The following RNF182 variants were observed in gnomAD, a reference collection of about 807,000 sequenced individuals.
RNF182 encodes the protein ring finger protein 182.
Under a neutral mutation model 14.4 loss-of-function variants are expected in RNF182, and 15 were observed. The ratio of observed to expected loss-of-function variants is 1.04; its 90% CI spans 0.70 to 1.60. The LOEUF is 1.60. RNF182 is among the 40% of genes most tolerant of loss of function. RNF182 has a pLI of 0.00. For missense variants in RNF182, 268 were observed against 294.8 expected, an observed-to-expected ratio of 0.91 and a Z score of 0.67; for synonymous variants, 128 against 122.9, an observed-to-expected ratio of 1.04 and a Z score of -0.27.
intron 1 of RNF182, chr6:13,949,427 A>C: frequency 2.8e-6 from 2 of 722,418 alleles, no homozygotes; most frequent in South Asian, 3.0e-5. Flanking sequence ...GAAAGCTGTC[A>C]TCTATAGGTT....
chr6:13,926,654 G>T (rs1300082652), intron 1 of RNF182, among the ~76,000 whole-genome samples: 1 of 152,164 alleles, frequency 6.6e-6, no homozygotes, highest in Non-Finnish European at 1.5e-5. Context: ...AGATAAACGG[G>T]AGAGAAAAGT....
chr6:13,951,962 C>G (rs1349907732), intron 1 of RNF182, among the ~76,000 whole-genome samples: 1 of 152,204 alleles, frequency 6.6e-6, no homozygotes, highest in Non-Finnish European at 1.5e-5. Flanking sequence ...CTCAAACTTG[C>G]CCCTTTTGGC....
At chr6:13,974,538 A>G (rs1188842577) in intron 2 of RNF182, among the ~76,000 whole-genome samples, 174 bp downstream of exon 2, 3 of 152,208 alleles carry the variant, frequency 2.0e-5, no homozygotes, top group Non-Finnish European at 4.4e-5. Flanking sequence ...CTTTGTTTCA[A>G]ATAATAGCTC....
chr6:13,939,794 C>T (rs1390742702), intron 1 of RNF182, among the ~76,000 whole-genome samples: 1 of 152,224 alleles, frequency 6.6e-6, no homozygotes, highest in Non-Finnish European at 1.5e-5. Flanking sequence ...CCACCCGCCT[C>T]AGCCTTCCAA....
chr6:13,977,352 TTAG>T lies in RNF182; in HGVS notation c.237_239del (p.Ser80del), dbSNP rs1429363945. 9 of 1,614,084 alleles carry T rather than the reference TTAG, an allele frequency of 5.6e-6. No individual in the cohort carries two copies. The Admixed American group carries it at 8.3e-5, about 15-fold the overall frequency. On this transcript the variant is annotated inframe_deletion, in exon 3 of 3. Coordinates refer to ENST00000488300, the MANE Select transcript of RNF182 (RefSeq NM_152737.4). Reference sequence around the variant, plus strand: ...GAGACGTGCCTGCCAGATGATGAAGTTAGTAGCCTGCCCGATGACAACAACATC... The same window carrying T: ...GAGACGTGCCTGCCAGATGATGAAGTTAGCCTGCCCGATGACAACAACATC...
At chr6:13,962,321 G>A (rs980845106) in intron 1 of RNF182, among the ~76,000 whole-genome samples, 1 of 152,132 alleles carries the variant, frequency 6.6e-6, no homozygotes, top group African/African-American at 2.4e-5. Flanking sequence ...TGAGCAATTG[G>A]GTGTCAGAGA....
chr6:13,952,506 G>A lies in RNF182; in HGVS notation c.-366-21704G>A, dbSNP rs145977244. 5.3e-3 allele frequency among the ~76,000 whole-genome samples: 804 copies of A among 152,156 alleles called. 1 individual carries two copies. The highest frequency in any genetic ancestry group is 8.7e-3 in the Non-Finnish European group (592 of 68,002). On this transcript the variant is annotated intron_variant, in intron 1 of 2. Coordinates refer to ENST00000488300, the MANE Select transcript of RNF182 (RefSeq NM_152737.4). Reference sequence around the variant, plus strand: ...GAGGGATGCTAACCCTTCTGAGTTGGGTCTTTAACCCAACTTTGTCCTTTA... The same window carrying A: ...GAGGGATGCTAACCCTTCTGAGTTGAGTCTTTAACCCAACTTTGTCCTTTA...
chr6:13,969,163 G>A (rs1055234791), intron 1 of RNF182, among the ~76,000 whole-genome samples: 9 of 151,934 alleles, frequency 5.9e-5, no homozygotes, highest in African/African-American at 1.7e-4. Context: ...TTCCTTTACT[G>A]TCTTAATATT....
At chr6:13,943,190 A>C (rs549163007) in intron 1 of RNF182, among the ~76,000 whole-genome samples, 25 of 152,326 alleles carry the variant, frequency 1.6e-4, no homozygotes, top group African/African-American at 5.8e-4. Flanking sequence ...CAAATAAAAA[A>C]TATTTAATAA....
At chr6:13,976,357 A>C (rs1257787428) in intron 2 of RNF182, among the ~76,000 whole-genome samples, 1 of 152,230 alleles carries the variant, frequency 6.6e-6, no homozygotes, top group Non-Finnish European at 1.5e-5. Flanking sequence ...TATATAACAG[A>C]TTTCTTTACA....
chr6:13,954,708 T>C (rs1358233464), intron 1 of RNF182, among the ~76,000 whole-genome samples: 1 of 152,180 alleles, frequency 6.6e-6, no homozygotes, highest in Non-Finnish European at 1.5e-5. Context: ...TTTTTTTCCT[T>C]GCAATTTATT....
In RNF182 at chr6:13,936,113, C is replaced by T. The variant is rs570569082; in HGVS notation, c.-367+11090C>T. Among the ~76,000 whole-genome samples the T allele has an allele frequency of 7.4e-4, 113 of 152,266 alleles. 1 individual carries two copies. The highest frequency in any genetic ancestry group is 6.2e-4 in the South Asian group (3 of 4,828). On this transcript the variant is annotated intron_variant, in intron 1 of 2. Coordinates refer to ENST00000488300, the MANE Select transcript of RNF182 (RefSeq NM_152737.4). ...ACCAGATCTCCTGAGAATTCTGTCG[C>T]GAGATAGCACTATGGGGATTGTGCT...
At chr6:13,959,080 G>C (rs1231493353) in intron 1 of RNF182, among the ~76,000 whole-genome samples, 1 of 152,206 alleles carries the variant, frequency 6.6e-6, no homozygotes. Context: ...TTCATATGCA[G>C]ATGTCCAGTC....
chr6:13,943,461 T>C (rs1030451939), intron 1 of RNF182, among the ~76,000 whole-genome samples: 1 of 152,132 alleles, frequency 6.6e-6, no homozygotes, highest in Non-Finnish European at 1.5e-5. Context: ...AAATGGACTT[T>C]CTTTTTTTAA....
At chr6:13,955,536 A>C (rs1403888432) in intron 1 of RNF182, among the ~76,000 whole-genome samples, 1 of 152,218 alleles carries the variant, frequency 6.6e-6, no homozygotes, top group Non-Finnish European at 1.5e-5. Context: ...ATGGCTTTTT[A>C]ACATACTTGG....
At chr6:13,937,523 G>A (rs1229013869) in intron 1 of RNF182, among the ~76,000 whole-genome samples, 1 of 152,162 alleles carries the variant, frequency 6.6e-6, no homozygotes, top group Non-Finnish European at 1.5e-5. Context: ...TCTCATTTTG[G>A]TATAGTATTT....
At chr6:13,976,712 G>A (rs1760334248) in intron 2 of RNF182, among the ~76,000 whole-genome samples, 197 bp from the exon 3 acceptor site, 1 of 152,200 alleles carries the variant, frequency 6.6e-6, no homozygotes, top group African/African-American at 2.4e-5. Context: ...TATCATGCTT[G>A]TTGACTGAAA....
chr6:13,933,262 G>A (rs1388517999), intron 1 of RNF182, among the ~76,000 whole-genome samples: 2 of 152,062 alleles, frequency 1.3e-5, no homozygotes, highest in Non-Finnish European at 2.9e-5. Context: ...GGCCAGGTGC[G>A]TGTCTCACAC....
In RNF182 at chr6:13,948,522, G is replaced by A. The variant is rs1053129335; in HGVS notation, c.-367+23499G>A. On this transcript the variant is annotated intron_variant, in intron 1 of 2. Transcript: ENST00000488300. ...CCCAAAAAATGTCAGATGCCATTTT[G>A]TATTTGACAGTACTTCCTGTATGAT... Among the ~76,000 whole-genome samples the A allele has an allele frequency of 1.6e-4, 24 of 152,098 alleles. 1 individual carries two copies. Among genetic ancestry groups the A allele is most frequent in the African/African-American group, 5.6e-4 (23 of 41,416 alleles).
Sources: gnomAD v4.1 joint callset for allele counts (sites outside exome capture counted in the v4.1 genomes callset) on GRCh38, gnomAD v4.1.1 for gene constraint, MANE v1.5 for transcripts, NCBI Gene and HGNC (gene_info 2026-07-23, HGNC 2026-07-21) for gene names.